MTRES1: variants seen among roughly 807,000 people sequenced by gnomAD.
The protein encoded by MTRES1 is mitochondrial transcription rescue factor 1, also known as uncharacterized protein C6orf203.
MTRES1 carries 11 observed loss-of-function variants against 17.4 expected under a neutral mutation model. The ratio of observed to expected loss-of-function variants is 0.63; its 90% CI spans 0.40 to 1.05. The LOEUF is 1.05. Among genes scored for constraint, MTRES1 ranks in the 50% least tolerant of loss-of-function variants. The probability of loss-of-function intolerance (pLI) is 0.00; values close to 1 mark genes in which losing one functional copy is unlikely to be tolerated. For missense variants in MTRES1, 268 were observed against 276.2 expected, an observed-to-expected ratio of 0.97 and a Z score of 0.21; for synonymous variants, 94 against 99.6, an observed-to-expected ratio of 0.94 and a Z score of 0.34.
chr6:107,039,323 T>G (rs1321644251), intron 1 of MTRES1, among the ~76,000 whole-genome samples: 1 of 151,722 alleles, frequency 6.6e-6, no homozygotes, highest in African/African-American at 2.4e-5. Context: ...TGTTTTTTGG[T>G]TTTTTTTAAT....
chr6:107,032,813 A>T (rs907361937), intron 1 of MTRES1, among the ~76,000 whole-genome samples: 1 of 152,216 alleles, frequency 6.6e-6, no homozygotes, highest in African/African-American at 2.4e-5. Context: ...AAGCAAAAAA[A>T]TCACTGTTGT....
chr6:107,035,394 G>A (rs1562277120), intron 1 of MTRES1, among the ~76,000 whole-genome samples: 1 of 152,082 alleles, frequency 6.6e-6, no homozygotes, highest in Non-Finnish European at 1.5e-5. Flanking sequence ...CTCCCAAAGT[G>A]CTGGGATTAC....
At chr6:107,049,913 G>A (rs1415377336) in intron 3 of MTRES1, among the ~76,000 whole-genome samples, 1 of 152,078 alleles carries the variant, frequency 6.6e-6, no homozygotes, top group African/African-American at 2.4e-5. Flanking sequence ...TAGAGACGGG[G>A]TTTCACCATG....
intron 1 of MTRES1, among the ~76,000 whole-genome samples, chr6:107,036,000 C>T (rs914454736): frequency 6.6e-5 from 10 of 152,114 alleles, no homozygotes; most frequent in Middle Eastern, 3.4e-3. Context: ...ATTTTATATA[C>T]ATATAATCAG....
In MTRES1 at chr6:107,028,306, C is replaced by G. The variant is rs547551615; in HGVS notation, c.-13+35C>G. The G allele has an allele frequency of 2.6e-5, 4 of 152,348 alleles. No individual in the cohort carries two copies. The South Asian group carries it at 8.3e-4, about 32-fold the overall frequency. The allele number at this position is 152,348 out of a possible 1,614,324, so 9.4% of individuals were successfully genotyped here. Reference sequence around the variant, plus strand: ...CCTCTGCTGGCGCGCCGCGCCGGGCCCCCTGCCCGCGCCCCCTGTCACTTC... The same window carrying G: ...CCTCTGCTGGCGCGCCGCGCCGGGCGCCCTGCCCGCGCCCCCTGTCACTTC... On this transcript the variant is annotated intron_variant, in intron 1 of 3. Coordinates refer to ENST00000311381, the MANE Select transcript of MTRES1 (RefSeq NM_016487.5).
chr6:107,043,106 C>T (rs1774273021), intron 2 of MTRES1, among the ~76,000 whole-genome samples: 3 of 151,974 alleles, frequency 2.0e-5, no homozygotes, highest in African/African-American at 7.2e-5. Flanking sequence ...CTGAGGTGGG[C>T]GGATCATGAG....
chr6:107,033,974 T>A (rs1773926767), intron 1 of MTRES1, among the ~76,000 whole-genome samples: 1 of 152,212 alleles, frequency 6.6e-6, no homozygotes, highest in African/African-American at 2.4e-5. Flanking sequence ...GAATTTTATC[T>A]AAGCTTCCAA....
At chr6:107,043,663 G>A (rs1774294043) in intron 2 of MTRES1, among the ~76,000 whole-genome samples, 1 of 152,116 alleles carries the variant, frequency 6.6e-6, no homozygotes, top group South Asian at 2.1e-4. Context: ...CTTCATCCTG[G>A]CTGAGGAAGA....
chr6:107,039,421 G>A (rs533460506), intron 1 of MTRES1, among the ~76,000 whole-genome samples: 9 of 152,062 alleles, frequency 5.9e-5, no homozygotes, highest in Non-Finnish European at 1.2e-4. Context: ...CTGGGTTCAA[G>A]TGATTCTCCT....
chr6:107,047,209 AT>A (rs1321840662), intron 3 of MTRES1, among the ~76,000 whole-genome samples: 112 of 149,176 alleles, frequency 7.5e-4, no homozygotes, highest in East Asian at 6.9e-3. Flanking sequence ...TTCTTTGTAT[AT>A]TTTTTTTTTC....
intron 2 of MTRES1, among the ~76,000 whole-genome samples, chr6:107,042,433 A>C (rs193150811): frequency 6.6e-6 from 1 of 151,966 alleles, no homozygotes; most frequent in East Asian, 1.9e-4. Context: ...AATGTTCTCT[A>C]AACTCTGGCA....
rs151141408 is a variant in MTRES1, at chr6:107,036,403, C to A, written c.-12-3346C>A. On this transcript the variant is annotated intron_variant, in intron 1 of 3. Transcript: ENST00000311381. ...TACTAAAAATACAAAATTAGCCAGA[C>A]GTGGTAGCGCATGCCTGTAATCGCA... 4.3e-3 allele frequency among the ~76,000 whole-genome samples: 660 copies of A among 152,000 alleles called. 1 individual carries two copies. Among genetic ancestry groups the A allele is most frequent in the African/African-American group, 0.015 (631 of 41,444 alleles).
At chr6:107,036,868 TG>T (rs1774029253) in intron 1 of MTRES1, among the ~76,000 whole-genome samples, 1 of 143,236 alleles carries the variant, frequency 7.0e-6, no homozygotes, top group Non-Finnish European at 1.5e-5. Context: ...AAAAAAAAAG[TG>T]GTTCAATTCT....
chr6:107,032,479 G>A (rs369524035), intron 1 of MTRES1, among the ~76,000 whole-genome samples: 17 of 152,102 alleles, frequency 1.1e-4, no homozygotes, highest in African/African-American at 2.9e-4. Flanking sequence ...TTGGGAGGCC[G>A]AGGCAGGCGG....
chr6:107,051,336 T>A lies in MTRES1; in HGVS notation c.*100T>A, dbSNP rs1397699659. On this transcript the variant is annotated 3_prime_UTR_variant, in exon 4 of 4. Coordinates refer to ENST00000311381, the MANE Select transcript of MTRES1 (RefSeq NM_016487.5). ...ATTAAAATAAAGTTCTCTTAGCGTT[T>A]GTGGAATCTGCCGAGCCATTTTGTG... is the stretch of plus-strand genomic sequence containing the variant. 1.3e-5 allele frequency: 14 copies of A among 1,094,194 alleles called. No homozygotes were observed. The highest frequency in any genetic ancestry group is 2.1e-4 in the Middle Eastern group (1 of 4,782). 67.8% of individuals were successfully genotyped at this position (1,094,194 alleles called of 1,614,324 possible). A position where few individuals can be genotyped will look rare whatever the true frequency, so the allele number is the denominator to read the frequency against.
rs782701487 is a variant in MTRES1 at position 107,039,759 on chromosome 6, C to T, written c.-2C>T. On this transcript the variant is annotated 5_prime_UTR_variant, in exon 2 of 4. Coordinates refer to ENST00000311381, the MANE Select transcript of MTRES1 (RefSeq NM_016487.5). Reference sequence around the variant, plus strand: ...TATTATCTGTTTCAGATTATAAGCGCCATGGCTATGGCTAGTGTTAAATTG... The same window carrying T: ...TATTATCTGTTTCAGATTATAAGCGTCATGGCTATGGCTAGTGTTAAATTG... 1 of 1,591,588 alleles carries T rather than the reference C, an allele frequency of 6.3e-7. No homozygotes were observed. The highest frequency in any genetic ancestry group is 1.2e-5 in the South Asian group (1 of 86,782).
At chr6:107,031,866 G>C (rs1402591228) in intron 1 of MTRES1, among the ~76,000 whole-genome samples, 1 of 152,162 alleles carries the variant, frequency 6.6e-6, no homozygotes, top group Non-Finnish European at 1.5e-5. Flanking sequence ...CTCCCAAAGT[G>C]CTGGGATTAC....
rs940149120 is a variant in MTRES1 at position 107,044,465 on chromosome 6, A to G, written c.543+133A>G. On this transcript the variant is annotated intron_variant, in intron 3 of 3. Transcript: ENST00000311381. ...AGGTCCTTTGTGGTCCTCCACGTCA[A>G]GCTGGTGGGAATCAGCTACAGGCTT... 4.4e-6 allele frequency: 3 copies of G among 689,628 alleles called. No homozygotes were observed. The South Asian group carries it at 5.5e-5, about 13-fold the overall frequency. 42.7% of individuals were successfully genotyped at this position (689,628 alleles called of 1,614,324 possible).
At chr6:107,032,301 TC>T (rs146409303) in intron 1 of MTRES1, among the ~76,000 whole-genome samples, 4,058 of 152,240 alleles carry the variant, frequency 0.027, 198 homozygotes, top group African/African-American at 0.094. Context: ...AACACGCAAT[TC>T]TTGTCATCAG....
Sources: gnomAD v4.1 joint callset for allele counts (sites outside exome capture counted in the v4.1 genomes callset) on GRCh38, gnomAD v4.1.1 for gene constraint, MANE v1.5 for transcripts, NCBI Gene and HGNC (gene_info 2026-07-23, HGNC 2026-07-21) for gene names.